GALNT10: variants seen among roughly 807,000 people sequenced by gnomAD.
The protein encoded by GALNT10 is GalNAc transferase 10.
A neutral mutation model predicts 75.0 loss-of-function variants in GALNT10; 41 were observed. The observed-to-expected ratio is 0.55, with a 90% CI of 0.43 to 0.71. The LOEUF is 0.71. Ranked by LOEUF, GALNT10 falls within the 30% of genes least tolerant of loss-of-function variation. GALNT10 has a pLI of 0.00. For missense variants in GALNT10, 727 were observed against 818.5 expected, an observed-to-expected ratio of 0.89 and a Z score of 1.36; for synonymous variants, 302 against 313.0, an observed-to-expected ratio of 0.96 and a Z score of 0.37.
At position 154,416,877 on chromosome 5, in the gene GALNT10, A is replaced by C; in HGVS notation, c.1717A>C (p.Ile573Leu). The change falls in exon 12 of 12, where the codon ATC becomes CTC. Residue 573 changes from isoleucine (I) to leucine (L), a missense_variant. By Grantham distance (5) the Ile-to-Leu change is conservative. Transcript: ENST00000297107. This position sits in a 1 kb window ranked among gnomAD's most constrained non-coding sequence, Gnocchi z 4.5. Reference sequence around the variant, plus strand: ...GGACTGCAGTGAAAGTGACCATAGGATCTTCATGAACACCTGCAACCCATC... The same window carrying C: ...GGACTGCAGTGAAAGTGACCATAGGCTCTTCATGAACACCTGCAACCCATC... ...CMDCSESDHR[I>L]FMNTCNPSSL... 6.2e-7 allele frequency: 1 copy of C among 1,613,044 alleles called. No homozygotes were observed. Among genetic ancestry groups the C allele is most frequent in the Non-Finnish European group, 8.5e-7 (1 of 1,178,972 alleles).
chr5:154,217,333 C>A (rs1001903099), intron 1 of GALNT10, among the ~76,000 whole-genome samples: 5 of 152,184 alleles, frequency 3.3e-5, no homozygotes, highest in Non-Finnish European at 5.9e-5. Flanking sequence ...GTTCCATGAC[C>A]CCTGGCAGAT....
At position 154,420,682 on chromosome 5, in the gene GALNT10, G is replaced by A. The variant is rs905742649; in HGVS notation, c.*3710G>A. 3 of 152,228 alleles carry A rather than the reference G, an allele frequency of 2.0e-5. No homozygotes were observed. The highest frequency in any genetic ancestry group is 4.4e-5 in the Non-Finnish European group (3 of 68,044). The allele number at this position is 152,228 out of a possible 1,614,324, so 9.4% of individuals were successfully genotyped here. ...GCCCACTGCCACCTCTGGGATGGGA[G>A]TCGGACCTACATACCAAGTGACAAG... On this transcript the variant is annotated 3_prime_UTR_variant, in exon 12 of 12. Transcript: ENST00000297107.
At position 154,404,096 on chromosome 5, in the gene GALNT10, C is replaced by T. The variant is rs1433042697; in HGVS notation, c.1057-8C>T. 1 of 1,603,172 alleles carries T rather than the reference C, an allele frequency of 6.2e-7. No individual in the cohort carries two copies. Among genetic ancestry groups the T allele is most frequent in the Non-Finnish European group, 8.5e-7 (1 of 1,170,032 alleles). ...ACGTCATCCTCTCTCTTCCTTCTTG[C>T]CATGCAGGTGTGGATGTGTGGGGGC... On this transcript the variant is annotated splice_region_variant and splice_polypyrimidine_tract_variant and intron_variant, in intron 7 of 11. Coordinates refer to ENST00000297107, the MANE Select transcript of GALNT10 (RefSeq NM_198321.4).
At chr5:154,358,575 C>G (rs576623817) in intron 4 of GALNT10, among the ~76,000 whole-genome samples, 82 of 152,236 alleles carry the variant, frequency 5.4e-4, no homozygotes, top group Non-Finnish European at 1.0e-3. Context: ...CTCTTAGAGC[C>G]TCTCTCCCAC....
rs556881444 is a variant in GALNT10 at position 154,204,579 on chromosome 5, C to T, written c.159+13554C>T. ...TCTCCTCCTCTCAGTCACAGCACAGCAGCTGCATTAGCCTTCTTACACATC... is the reference window on the plus strand; with the variant it reads ...TCTCCTCCTCTCAGTCACAGCACAGTAGCTGCATTAGCCTTCTTACACATC... On this transcript the variant is annotated intron_variant, in intron 1 of 11. Coordinates refer to ENST00000297107, the MANE Select transcript of GALNT10 (RefSeq NM_198321.4). Among the ~76,000 whole-genome samples the T allele has an allele frequency of 3.9e-4, 60 of 152,358 alleles. 1 individual carries two copies. The South Asian group carries it at 0.012, about 31-fold the overall frequency.
Position 154,190,906 on chromosome 5 carries a change from CTGGTG to C in GALNT10, c.41_45del (p.Leu14ProfsTer61). The C allele has an allele frequency of 6.8e-7, 1 of 1,476,170 alleles. No homozygotes were observed. Among genetic ancestry groups the C allele is most frequent in the Non-Finnish European group, 9.0e-7 (1 of 1,112,018 alleles). The allele number at this position is 1,476,170 out of a possible 1,614,324, so 91.4% of individuals were successfully genotyped here. A position where few individuals can be genotyped will look rare whatever the true frequency, so the allele number is the denominator to read the frequency against. ...GAAGCGGCTCCTGCAGGCGGTGGCG[CTGGTG>C]CTGGCGGCCCTGGTCCTCCTGCCCA... is the stretch of plus-strand genomic sequence containing the variant. On this transcript the variant is annotated frameshift_variant, in exon 1 of 12. Transcript: ENST00000297107. LOFTEE classifies it high-confidence loss of function.
chr5:154,311,943 T>C (rs1754526109), intron 3 of GALNT10, among the ~76,000 whole-genome samples: 2 of 152,054 alleles, frequency 1.3e-5, no homozygotes, highest in Admixed American at 1.3e-4. Flanking sequence ...GAATCCTCTG[T>C]CCATGAAGGT....
chr5:154,352,207 T>C lies in GALNT10; in HGVS notation c.568+22469T>C, dbSNP rs189452199. On this transcript the variant is annotated intron_variant, in intron 4 of 11. Coordinates refer to ENST00000297107, the MANE Select transcript of GALNT10 (RefSeq NM_198321.4). The surrounding 1 kb of genome is among the most constrained non-coding windows in gnomAD (Gnocchi z 4.4). ...GCACCCTGACCTGGGCCTCAGGGAC[T>C]GTTCCCAGGCAGGGCTCACAAGGGA... 5.9e-5 allele frequency among the ~76,000 whole-genome samples: 9 copies of C among 152,342 alleles called. No homozygotes were observed. The East Asian group carries it at 1.7e-3, about 29-fold the overall frequency.
At chr5:154,397,480 A>G (rs1308587506) in intron 7 of GALNT10, among the ~76,000 whole-genome samples, 1 of 152,142 alleles carries the variant, frequency 6.6e-6, no homozygotes, top group Non-Finnish European at 1.5e-5. Flanking sequence ...CTAAGGAGGT[A>G]GGCACAGTAA....
intron 4 of GALNT10, among the ~76,000 whole-genome samples, chr5:154,341,754 A>T (rs561856207): frequency 6.6e-6 from 1 of 152,220 alleles, no homozygotes; most frequent in African/African-American, 2.4e-5. Context: ...CTGTAAATAG[A>T]CCTTCTTCCT....
At chr5:154,270,771 A>T (rs566700689) in intron 1 of GALNT10, among the ~76,000 whole-genome samples, 1 of 152,060 alleles carries the variant, frequency 6.6e-6, no homozygotes, top group Non-Finnish European at 1.5e-5. Flanking sequence ...GAATGGACAG[A>T]TCATCTGAGG....
intron 4 of GALNT10, among the ~76,000 whole-genome samples, chr5:154,367,455 G>T (rs1755493861): frequency 6.6e-6 from 1 of 152,176 alleles, no homozygotes; most frequent in Admixed American, 6.5e-5. Flanking sequence ...GAATCTGAGG[G>T]CTGTGCTCAG....
chr5:154,253,706 C>CTTTTTT (rs33933907), intron 1 of GALNT10, among the ~76,000 whole-genome samples: 14 of 72,654 alleles, frequency 1.9e-4, no homozygotes, highest in African/African-American at 5.2e-4. Flanking sequence ...AAAGCCTCCT[C>CTTTTTT]TTTTTTTTTT....
Position 154,294,864 on chromosome 5 carries a change from A to G in GALNT10, c.208A>G (p.Lys70Glu). 1 of 1,608,636 alleles carries G rather than the reference A, an allele frequency of 6.2e-7. No homozygotes were observed. The highest frequency in any genetic ancestry group is 1.1e-5 in the South Asian group (1 of 90,960). Residue 70 changes from lysine (K) to glutamate (E), a missense_variant, in exon 2 of 12, where the codon AAG (lysine) becomes GAG (glutamate). By Grantham distance (56) the Lys-to-Glu change is moderately conservative (BLOSUM62 1). Coordinates refer to ENST00000297107, the MANE Select transcript of GALNT10 (RefSeq NM_198321.4). ...AACGTTTTTCTTGGGAGATGGGCAG[A>G]AGCTGAAGGACTGGCATGACAAGGA... ...KKTFFLGDGQ[K>E]LKDWHDKEAI...
intron 1 of GALNT10, among the ~76,000 whole-genome samples, chr5:154,216,364 G>A (rs1000496679): frequency 2.0e-5 from 3 of 152,044 alleles, no homozygotes; most frequent in African/African-American, 4.8e-5. Context: ...AGATTATAGG[G>A]CAGGCTGTGT....
Position 154,269,774 on chromosome 5 carries a change from G to A in GALNT10, c.160-25042G>A, listed in dbSNP as rs546588701. Among the ~76,000 whole-genome samples, 3 of 152,342 alleles carry A rather than the reference G, an allele frequency of 2.0e-5. No individual in the cohort carries two copies. The South Asian group carries it at 6.2e-4, about 32-fold the overall frequency. On this transcript the variant is annotated intron_variant, in intron 1 of 11. Coordinates refer to ENST00000297107, the MANE Select transcript of GALNT10 (RefSeq NM_198321.4). ...GGCAGACAGGACATTAGAGAGTCTG[G>A]GACATCCTTCGGAAGGGAATTAGGG...
intron 4 of GALNT10, among the ~76,000 whole-genome samples, chr5:154,332,707 AC>A (rs1754886012): frequency 6.6e-6 from 1 of 152,146 alleles, no homozygotes. Flanking sequence ...GAAAACCATC[AC>A]CAGCAGCAGG....
At chr5:154,357,857 T>C (rs537497300) in intron 4 of GALNT10, among the ~76,000 whole-genome samples, 3 of 152,294 alleles carry the variant, frequency 2.0e-5, no homozygotes, top group Admixed American at 6.5e-5. Context: ...TGAGCTGAGA[T>C]GGACATTTGA....
intron 3 of GALNT10, among the ~76,000 whole-genome samples, chr5:154,318,953 A>G (rs982597257): frequency 6.6e-6 from 1 of 151,688 alleles, no homozygotes; most frequent in African/African-American, 2.4e-5. Flanking sequence ...GTTTCCACCA[A>G]CTCTCAGTTG....
Sources: allele counts gnomAD v4.1 joint callset (sites outside exome capture counted in the v4.1 genomes callset), GRCh38; gene constraint gnomAD v4.1.1; non-coding constraint Gnocchi (gnomAD v3.1); transcripts MANE v1.5; gene names NCBI Gene and HGNC (gene_info 2026-07-23, HGNC 2026-07-21).